Variants in PDE7B observed in about 807,000 individuals in gnomAD.
The protein encoded by PDE7B is 3',5'-cyclic-AMP phosphodiesterase 7B.
Under a neutral mutation model 56.2 loss-of-function variants are expected in PDE7B, and 29 were observed. The observed-to-expected ratio is 0.52, with a 90% CI of 0.38 to 0.70. The LOEUF (loss-of-function observed/expected upper bound fraction) is 0.70. PDE7B is among the 30% of genes least tolerant of loss of function. The pLI, the probability that PDE7B is intolerant of heterozygous loss-of-function variation, is 0.00. For synonymous variants in PDE7B, 197 were observed against 196.9 expected, an observed-to-expected ratio of 1.00 and a Z score of 0.00; for missense variants, 490 against 565.0, an observed-to-expected ratio of 0.87 and a Z score of 1.35.
chr6:136,063,939 T>C (rs886836745), intron 2 of PDE7B, among the ~76,000 whole-genome samples: 7 of 152,122 alleles, frequency 4.6e-5, no homozygotes, highest in Non-Finnish European at 1.0e-4. Flanking sequence ...TAAATTCCCC[T>C]CCAACACCCA....
intron 1 of PDE7B, among the ~76,000 whole-genome samples, chr6:135,873,266 C>T (rs1254706619): frequency 1.3e-5 from 2 of 152,158 alleles, no homozygotes; most frequent in Non-Finnish European, 2.9e-5. Flanking sequence ...CATTCACAAA[C>T]ACAAAATGAC....
chr6:135,973,976 C>T (rs986270624), intron 2 of PDE7B, among the ~76,000 whole-genome samples: 1 of 152,126 alleles, frequency 6.6e-6, no homozygotes, highest in Non-Finnish European at 1.5e-5. Flanking sequence ...TACTAGGGGT[C>T]CTCTGTTCCT....
At chr6:135,999,944 A>C (rs779749230) in intron 2 of PDE7B, among the ~76,000 whole-genome samples, 1 of 152,212 alleles carries the variant, frequency 6.6e-6, no homozygotes, top group Admixed American at 6.5e-5. Flanking sequence ...TGACTTTTTA[A>C]TGATAGCCAT....
intron 2 of PDE7B, among the ~76,000 whole-genome samples, chr6:135,992,463 T>G (rs1281914424): frequency 1.3e-5 from 2 of 152,228 alleles, no homozygotes; most frequent in Admixed American, 1.3e-4. Flanking sequence ...CAGGTTATTT[T>G]TAGCTTATAA....
Position 135,982,290 on chromosome 6 carries a change from G to A in PDE7B, c.82+34766G>A, listed in dbSNP as rs116127476. Among the ~76,000 whole-genome samples the A allele has an allele frequency of 9.0e-3, 1,365 of 152,258 alleles. 14 individuals are homozygous for A. The highest frequency in any genetic ancestry group is 0.034 in the Middle Eastern group (10 of 294). ...TCTTGCTGAGACTTGGAAGGGAACT[G>A]GAAGTAAGAACAAGAGCCTGTTTCT... On this transcript the variant is annotated intron_variant, in intron 2 of 12. Coordinates refer to ENST00000308191, the MANE Select transcript of PDE7B (RefSeq NM_018945.4).
intron 2 of PDE7B, among the ~76,000 whole-genome samples, chr6:136,011,512 C>A (rs1268276211): frequency 6.6e-6 from 1 of 152,168 alleles, no homozygotes. Context: ...GGCTGCCTGG[C>A]CTTGGAATAT....
intron 2 of PDE7B, among the ~76,000 whole-genome samples, chr6:135,975,577 A>AAGCTGTTCTC (rs1775171278): frequency 7.0e-6 from 1 of 143,724 alleles, no homozygotes; most frequent in African/African-American, 2.9e-5. Context: ...CCAAGGAACT[A>AAGCTGTTCTC]CAGCCTTGTA....
chr6:136,013,559 G>A (rs933667073), intron 2 of PDE7B, among the ~76,000 whole-genome samples: 6 of 152,220 alleles, frequency 3.9e-5, no homozygotes, highest in African/African-American at 1.4e-4. Flanking sequence ...TAGCACATGG[G>A]AGGCCGTTGA....
chr6:136,003,413 G>A (rs927882308), intron 2 of PDE7B, among the ~76,000 whole-genome samples: 10 of 152,150 alleles, frequency 6.6e-5, no homozygotes, highest in South Asian at 6.2e-4. Context: ...GAATCCAGAA[G>A]CTGGTTTATT....
At chr6:135,908,246 G>A (rs372474393) in intron 1 of PDE7B, among the ~76,000 whole-genome samples, 2 of 147,782 alleles carry the variant, frequency 1.4e-5, no homozygotes, top group Admixed American at 6.6e-5. Flanking sequence ...GTGCCACCAC[G>A]CCCGACTAAT....
intron 3 of PDE7B, among the ~76,000 whole-genome samples, chr6:136,138,760 A>G (rs1198450445): frequency 6.6e-6 from 1 of 152,132 alleles, no homozygotes; most frequent in Non-Finnish European, 1.5e-5. Context: ...TAACACTGCA[A>G]CTTGTCAGAT....
chr6:135,998,622 G>T (rs1775609168), intron 2 of PDE7B, among the ~76,000 whole-genome samples: 1 of 152,118 alleles, frequency 6.6e-6, no homozygotes. Context: ...CAGGCGTGGT[G>T]GTGGGTGCCT....
intron 2 of PDE7B, among the ~76,000 whole-genome samples, chr6:135,957,916 C>T (rs1333359244): frequency 1.3e-5 from 2 of 152,022 alleles, no homozygotes; most frequent in African/African-American, 4.8e-5. Flanking sequence ...GAGCTGGGCC[C>T]ACCCCTGTCC....
chr6:135,929,467 A>T (rs1013196232), intron 1 of PDE7B, among the ~76,000 whole-genome samples: 9 of 152,214 alleles, frequency 5.9e-5, no homozygotes, highest in African/African-American at 2.2e-4. Flanking sequence ...CTTAGTCCAA[A>T]AAAGTAAAAT....
chr6:135,997,170 C>T (rs1451779770), intron 2 of PDE7B, among the ~76,000 whole-genome samples: 1 of 151,886 alleles, frequency 6.6e-6, no homozygotes, highest in African/African-American at 2.4e-5. Flanking sequence ...GAAATCCCAG[C>T]ACTTTGGGAG....
chr6:135,996,739 T>C (rs1008655065), intron 2 of PDE7B, among the ~76,000 whole-genome samples: 1 of 152,234 alleles, frequency 6.6e-6, no homozygotes, highest in African/African-American at 2.4e-5. Flanking sequence ...GATCCAATAC[T>C]GAGAAGAAAA....
chr6:136,025,773 A>C (rs1385330629), intron 2 of PDE7B, among the ~76,000 whole-genome samples: 2 of 152,228 alleles, frequency 1.3e-5, no homozygotes, highest in Non-Finnish European at 2.9e-5. Context: ...TCATCTCTGC[A>C]TCTACTACCC....
intron 2 of PDE7B, among the ~76,000 whole-genome samples, chr6:135,980,591 A>G (rs199542776): frequency 2.0e-5 from 3 of 152,318 alleles, no homozygotes; most frequent in East Asian, 3.9e-4. Context: ...AAACAAATTT[A>G]CAAGAAACAA....
chr6:135,940,489 A>G (rs1424012162), intron 1 of PDE7B, among the ~76,000 whole-genome samples: 1 of 152,208 alleles, frequency 6.6e-6, no homozygotes. Context: ...TCACTTATTC[A>G]TTCACTCACT....
Sources: allele counts gnomAD v4.1 joint callset (sites outside exome capture counted in the v4.1 genomes callset), GRCh38; gene constraint gnomAD v4.1.1; transcripts MANE v1.5; gene names NCBI Gene and HGNC (gene_info 2026-07-23, HGNC 2026-07-21).